Variants in STK3 observed in about 807,000 individuals in gnomAD.
STK3 encodes serine/threonine-protein kinase 3.
A neutral mutation model predicts 58.0 loss-of-function variants in STK3; 41 were observed. The ratio of observed to expected loss-of-function variants is 0.71; its 90% CI spans 0.55 to 0.92. The LOEUF is 0.92. Among genes scored for constraint, STK3 ranks in the 40% least tolerant of loss-of-function variants. The pLI, the probability that STK3 is intolerant of heterozygous loss-of-function variation, is 0.00. For missense variants in STK3, 479 were observed against 602.7 expected (o/e 0.79, Z 2.15); for synonymous variants, 170 against 191.0 (o/e 0.89, Z 0.91).
At chr8:98,868,456 C>T (rs548439424) in intron 3 of STK3, among the ~76,000 whole-genome samples, 1 of 152,208 alleles carries the variant, frequency 6.6e-6, no homozygotes, top group Admixed American at 6.5e-5. Context: ...TATCCCCCAG[C>T]CCCGCTGGAG....
At chr8:98,636,419 C>G (rs1819623358) in intron 6 of STK3, among the ~76,000 whole-genome samples, 1 of 152,064 alleles carries the variant, frequency 6.6e-6, no homozygotes, top group South Asian at 2.1e-4. Flanking sequence ...TACTGACTGC[C>G]TATCATATGC....
intron 3 of STK3, among the ~76,000 whole-genome samples, chr8:98,415,042 A>G (rs1818098121): frequency 6.6e-6 from 1 of 152,252 alleles, no homozygotes; most frequent in Admixed American, 6.5e-5. Flanking sequence ...TGATTAAATC[A>G]TGAGGGTTGT....
chr8:98,523,375 C>CTT (rs558917345), intron 10 of STK3, among the ~76,000 whole-genome samples: 16 of 137,718 alleles, frequency 1.2e-4, no homozygotes, highest in African/African-American at 2.1e-4. Context: ...GTCCTTTGCC[C>CTT]TTTTTTTTTT....
intron 1 of STK3, among the ~76,000 whole-genome samples, chr8:98,932,941 C>G (rs140249066): frequency 6.6e-6 from 1 of 152,214 alleles, no homozygotes; most frequent in Non-Finnish European, 1.5e-5. Context: ...TCAGTAGCCC[C>G]AGGTCTGTGC....
intron 6 of STK3, among the ~76,000 whole-genome samples, chr8:98,647,806 C>CTTGATGT (rs1241312301): frequency 7.2e-5 from 11 of 152,180 alleles, no homozygotes. Flanking sequence ...TGCACCCAGC[C>CTTGATGT]TTGATGTCAT....
intron 6 of STK3, among the ~76,000 whole-genome samples, chr8:98,609,434 C>T (rs1587000791): frequency 6.6e-6 from 1 of 151,936 alleles, no homozygotes; most frequent in Admixed American, 6.6e-5. Flanking sequence ...AAATATGGTA[C>T]AATGTATACT....
At chr8:98,578,234 G>A (rs999151185) in intron 8 of STK3, among the ~76,000 whole-genome samples, 13 of 152,150 alleles carry the variant, frequency 8.5e-5, no homozygotes, top group African/African-American at 3.1e-4. Context: ...AACCCCCTGA[G>A]AGCAAGAACC....
downstream of STK3, among the ~76,000 whole-genome samples, chr8:98,397,922 C>A (rs1042945893): frequency 6.6e-6 from 1 of 152,194 alleles, no homozygotes. Context: ...GCCTCCTAAC[C>A]ATTCTTCCTG....
At chr8:98,733,626 A>G (rs909315722) in intron 4 of STK3, among the ~76,000 whole-genome samples, 2 of 152,210 alleles carry the variant, frequency 1.3e-5, no homozygotes, top group African/African-American at 4.8e-5. Flanking sequence ...TCTCTCACCA[A>G]TGAAACTTTT....
At chr8:98,366,698 T>C (rs1273543574), downstream of STK3, among the ~76,000 whole-genome samples, 2 of 152,210 alleles carry the variant, frequency 1.3e-5, no homozygotes, top group Non-Finnish European at 2.9e-5. Context: ...TACTGATCTA[T>C]CTGTCTATTC....
At chr8:98,687,451 C>A (rs904015010) in intron 6 of STK3, among the ~76,000 whole-genome samples, 1 of 152,112 alleles carries the variant, frequency 6.6e-6, no homozygotes, top group Non-Finnish European at 1.5e-5. Flanking sequence ...GGCTGTAATT[C>A]TTGATCGCCC....
chr8:98,489,068 G>A (rs1156543799), intron 10 of STK3, among the ~76,000 whole-genome samples: 2 of 152,142 alleles, frequency 1.3e-5, no homozygotes, highest in Non-Finnish European at 2.9e-5. Context: ...GCTGGAAGGA[G>A]TGGGGCTCTC....
At chr8:98,653,510 CA>C (rs1821163988) in intron 6 of STK3, among the ~76,000 whole-genome samples, 1 of 151,910 alleles carries the variant, frequency 6.6e-6, no homozygotes, top group Admixed American at 6.6e-5. Flanking sequence ...AATAGAGACA[CA>C]AAAAACCCTT....
intron 6 of STK3, among the ~76,000 whole-genome samples, chr8:98,608,071 A>T (rs1816909061): frequency 6.6e-6 from 1 of 152,222 alleles, no homozygotes; most frequent in Non-Finnish European, 1.5e-5. Flanking sequence ...ATTAATCTTT[A>T]GAAAATTATC....
intron 4 of STK3, among the ~76,000 whole-genome samples, chr8:98,740,691 G>C (rs1829123841): frequency 6.6e-6 from 1 of 152,182 alleles, no homozygotes; most frequent in Non-Finnish European, 1.5e-5. Context: ...ATCAACTAAT[G>C]AGCAAAATAA....
intron 3 of STK3, among the ~76,000 whole-genome samples, chr8:98,831,960 A>G (rs1419602561): frequency 6.6e-6 from 1 of 152,234 alleles, no homozygotes; most frequent in Non-Finnish European, 1.5e-5. Flanking sequence ...GTAACAACTC[A>G]AAATGATTTT....
chr8:98,895,698 G>T (rs907893531), intron 1 of STK3, among the ~76,000 whole-genome samples: 2 of 152,158 alleles, frequency 1.3e-5, no homozygotes, highest in Non-Finnish European at 2.9e-5. Context: ...GAGTGGAGAG[G>T]GGGAGAGAAC....
intron 6 of STK3, among the ~76,000 whole-genome samples, chr8:98,683,569 A>G (rs921535274): frequency 6.6e-6 from 1 of 152,154 alleles, no homozygotes; most frequent in African/African-American, 2.4e-5. Flanking sequence ...GAAATACGAC[A>G]ACTATATCAA....
chr8:98,880,242 A>G (rs1313866833), downstream of STK3: 1 of 152,232 alleles, frequency 6.6e-6, no homozygotes, highest in Non-Finnish European at 1.5e-5. Flanking sequence ...TCGGTGACAG[A>G]GGGAGATTCC....
Sources: gnomAD v4.1 joint callset for allele counts (sites outside exome capture counted in the v4.1 genomes callset) on GRCh38, gnomAD v4.1.1 for gene constraint, MANE v1.5 for transcripts, NCBI Gene and HGNC (gene_info 2026-07-23, HGNC 2026-07-21) for gene names.